PRKCB: variants seen among roughly 807,000 people sequenced by gnomAD.
PRKCB encodes the protein protein kinase C beta.
PRKCB carries 13 observed loss-of-function variants against 81.5 expected under a neutral mutation model. That is an observed-to-expected ratio of 0.16 (90% CI 0.10 to 0.25). The LOEUF (loss-of-function observed/expected upper bound fraction) is 0.25. Among genes scored for constraint, PRKCB ranks in the 10% least tolerant of loss-of-function variants. The pLI, the probability that PRKCB is intolerant of heterozygous loss-of-function variation, is 1.00. For synonymous variants in PRKCB, 335 were observed against 321.4 expected, an observed-to-expected ratio of 1.04 and a Z score of -0.45; for missense variants, 509 against 875.7, an observed-to-expected ratio of 0.58 and a Z score of 5.29.
intron 3 of PRKCB, among the ~76,000 whole-genome samples, chr16:23,996,237 T>A (rs533098956): frequency 6.6e-6 from 1 of 152,240 alleles, no homozygotes; most frequent in African/African-American, 2.4e-5. Flanking sequence ...AGAGGAGGAT[T>A]TTAATAATTG....
At chr16:24,024,096 C>T (rs1228348343) in intron 3 of PRKCB, among the ~76,000 whole-genome samples, 1 of 152,208 alleles carries the variant, frequency 6.6e-6, no homozygotes, top group Non-Finnish European at 1.5e-5. Context: ...GTCATGTAGT[C>T]TTTGTCTTTG....
At chr16:23,981,502 G>C (rs1964701831) in intron 2 of PRKCB, among the ~76,000 whole-genome samples, 1 of 152,112 alleles carries the variant, frequency 6.6e-6, no homozygotes, top group Non-Finnish European at 1.5e-5. Context: ...GGTGGTGTCA[G>C]GGGGTCGGGG....
chr16:23,856,483 T>C (rs1597211536), intron 2 of PRKCB, among the ~76,000 whole-genome samples: 2 of 151,822 alleles, frequency 1.3e-5, no homozygotes, highest in Admixed American at 1.3e-4. Flanking sequence ...ACAGAAAATA[T>C]CACAGTGCAT....
intron 13 of PRKCB, 85 bp from the exon 14 acceptor site, chr16:24,185,026 C>G: frequency 8.9e-7 from 1 of 1,129,136 alleles, no homozygotes; most frequent in Non-Finnish European, 1.3e-6. Context: ...TGGGCACTGG[C>G]CTTCTTGTAA....
chr16:23,904,719 T>C (rs1963530795), intron 2 of PRKCB, among the ~76,000 whole-genome samples: 1 of 152,120 alleles, frequency 6.6e-6, no homozygotes, highest in Non-Finnish European at 1.5e-5. Context: ...GTATCTAGCA[T>C]ATAGTAAGTG....
intron 2 of PRKCB, among the ~76,000 whole-genome samples, chr16:23,983,226 CCTA>C (rs1356244227): frequency 1.3e-5 from 2 of 152,030 alleles, no homozygotes; most frequent in African/African-American, 4.8e-5. Flanking sequence ...AATAGGCAGC[CCTA>C]CTATTTTCTT....
intron 7 of PRKCB, among the ~76,000 whole-genome samples, chr16:24,109,356 G>A (rs1319101967): frequency 5.6e-5 from 6 of 107,424 alleles, no homozygotes; most frequent in African/African-American, 1.7e-4. Context: ...CAGACGGGGC[G>A]GCTGCTAGGC....
intron 7 of PRKCB, among the ~76,000 whole-genome samples, chr16:24,105,059 T>TG (rs1398235434): frequency 6.6e-6 from 1 of 151,662 alleles, no homozygotes; most frequent in Non-Finnish European, 1.5e-5. Flanking sequence ...TGTTGGATTT[T>TG]TTTTTTTTTA....
intron 2 of PRKCB, among the ~76,000 whole-genome samples, chr16:23,840,102 A>G (rs1169196648): frequency 6.6e-6 from 1 of 152,222 alleles, no homozygotes; most frequent in Admixed American, 6.5e-5. Flanking sequence ...GAATGGGAAC[A>G]TATAGGAAAG....
At chr16:23,912,406 C>T (rs999215601) in intron 2 of PRKCB, among the ~76,000 whole-genome samples, 1 of 151,278 alleles carries the variant, frequency 6.6e-6, no homozygotes. Context: ...TCTACTGAAT[C>T]TTGGTCAGCC....
chr16:24,130,101 A>G (rs1966851207), intron 9 of PRKCB, among the ~76,000 whole-genome samples: 1 of 152,196 alleles, frequency 6.6e-6, no homozygotes, highest in Admixed American at 6.5e-5. Flanking sequence ...AATGCACTTT[A>G]CATTCAGCAT....
intron 2 of PRKCB, among the ~76,000 whole-genome samples, chr16:23,864,630 G>C (rs992459299): frequency 8.5e-5 from 13 of 152,180 alleles, no homozygotes; most frequent in African/African-American, 3.1e-4. Context: ...GAGTTGCTGT[G>C]ATCAAACAGG....
chr16:24,180,636 A>G (rs1312131763), intron 12 of PRKCB, among the ~76,000 whole-genome samples, 154 bp from the exon 13 acceptor site: 2 of 152,202 alleles, frequency 1.3e-5, no homozygotes, highest in African/African-American at 2.4e-5. Context: ...TCTCCCTGCC[A>G]GACTGTAAGC....
At chr16:24,146,680 T>G (rs1444326781) in intron 9 of PRKCB, among the ~76,000 whole-genome samples, 2 of 152,184 alleles carry the variant, frequency 1.3e-5, no homozygotes, top group Non-Finnish European at 2.9e-5. Flanking sequence ...CCTGGGCTAC[T>G]TTCCTCTGTT....
chr16:24,022,039 T>C (rs1406475533), intron 3 of PRKCB, among the ~76,000 whole-genome samples: 2 of 152,126 alleles, frequency 1.3e-5, no homozygotes, highest in African/African-American at 4.8e-5. Context: ...CAGGAAATAC[T>C]GGGAAGAGGA....
At chr16:24,187,614 T>A (rs1967723482) in intron 15 of PRKCB, among the ~76,000 whole-genome samples, 1 of 152,212 alleles carries the variant, frequency 6.6e-6, no homozygotes, top group East Asian at 1.9e-4. Flanking sequence ...CAAGGGACCC[T>A]TTGCAAATCT....
chr16:23,988,699 G>T (rs1964833668), intron 3 of PRKCB, 109 bp downstream of exon 3: 5 of 1,012,408 alleles, frequency 4.9e-6, no homozygotes, highest in Non-Finnish European at 7.5e-6. Flanking sequence ...CTCACTCTAA[G>T]GCATGTGGTG....
intron 2 of PRKCB, among the ~76,000 whole-genome samples, chr16:23,868,771 G>C (rs1475177732): frequency 1.3e-5 from 2 of 152,268 alleles, no homozygotes; most frequent in East Asian, 3.9e-4. Flanking sequence ...ATGGAGACTG[G>C]GGCCGGCTGC....
intron 10 of PRKCB, among the ~76,000 whole-genome samples, chr16:24,165,008 A>T (rs747183569): frequency 2.6e-5 from 4 of 152,090 alleles, no homozygotes; most frequent in Non-Finnish European, 4.4e-5. Flanking sequence ...TATGCCTCTC[A>T]TGCACTTTCT....
Sources: gnomAD v4.1 joint callset for allele counts (sites outside exome capture counted in the v4.1 genomes callset) on GRCh38, gnomAD v4.1.1 for gene constraint, MANE v1.5 for transcripts, NCBI Gene and HGNC (gene_info 2026-07-23, HGNC 2026-07-21) for gene names.